CDH12: variants seen among roughly 807,000 people sequenced by gnomAD.
The protein encoded by CDH12 is cadherin-12.
CDH12 carries 41 observed loss-of-function variants against 74.1 expected under a neutral mutation model. The ratio of observed to expected loss-of-function variants is 0.55; its 90% CI spans 0.43 to 0.72. CDH12 has a LOEUF of 0.72. Among genes scored for constraint, CDH12 ranks in the 30% least tolerant of loss-of-function variants. The probability of loss-of-function intolerance (pLI) is 0.00; values close to 1 mark genes in which losing one functional copy is unlikely to be tolerated. For missense variants in CDH12, 945 were observed against 977.2 expected (o/e 0.97, Z 0.44); for synonymous variants, 399 against 355.0 (o/e 1.12, Z -1.39).
At chr5:22,421,896 G>T (rs971638399) in intron 2 of CDH12, among the ~76,000 whole-genome samples, 1 of 152,108 alleles carries the variant, frequency 6.6e-6, no homozygotes, top group African/African-American at 2.4e-5. Context: ...GGTGTGAGAA[G>T]GTATCTCATT....
chr5:22,160,158 T>C (rs1357561436), intron 4 of CDH12, among the ~76,000 whole-genome samples: 1 of 152,194 alleles, frequency 6.6e-6, no homozygotes, highest in Non-Finnish European at 1.5e-5. Flanking sequence ...GTATCCACCA[T>C]CTGACCCATA....
intron 3 of CDH12, among the ~76,000 whole-genome samples, chr5:22,323,380 T>C (rs1738963456): frequency 6.6e-6 from 1 of 152,166 alleles, no homozygotes; most frequent in South Asian, 2.1e-4. Flanking sequence ...TAATGTGAAA[T>C]GTGTCAACAC....
intron 1 of CDH12, among the ~76,000 whole-genome samples, chr5:22,618,924 A>G (rs768448491): frequency 2.5e-4 from 38 of 151,994 alleles, no homozygotes; most frequent in Non-Finnish European, 4.3e-4. Context: ...GCCTGCTGCC[A>G]TGTCAGACGT....
chr5:22,029,037 G>T (rs1388544036), intron 5 of CDH12, among the ~76,000 whole-genome samples: 1 of 152,176 alleles, frequency 6.6e-6, no homozygotes, highest in African/African-American at 2.4e-5. Flanking sequence ...AACAAATGGT[G>T]CTGGGAAAAC....
intron 4 of CDH12, among the ~76,000 whole-genome samples, chr5:22,183,421 A>C (rs1749754800): frequency 6.6e-6 from 1 of 152,190 alleles, no homozygotes; most frequent in African/African-American, 2.4e-5. Flanking sequence ...CTACTTTTAA[A>C]ATATTTTTTT....
intron 1 of CDH12, among the ~76,000 whole-genome samples, chr5:22,578,851 C>T (rs1357517327): frequency 6.6e-6 from 1 of 152,092 alleles, no homozygotes; most frequent in Non-Finnish European, 1.5e-5. Flanking sequence ...ATTGTTTCTT[C>T]TCTTCTGTTG....
At chr5:22,300,781 C>T (rs1737846355) in intron 3 of CDH12, among the ~76,000 whole-genome samples, 1 of 152,142 alleles carries the variant, frequency 6.6e-6, no homozygotes, top group Non-Finnish European at 1.5e-5. Flanking sequence ...CATTCATTTC[C>T]TAAATAGGTT....
intron 1 of CDH12, among the ~76,000 whole-genome samples, chr5:22,716,195 C>G (rs1430116964): frequency 1.3e-5 from 2 of 152,144 alleles, no homozygotes; most frequent in Non-Finnish European, 2.9e-5. Flanking sequence ...ACTGAAACAA[C>G]AGAAGACTAG....
intron 1 of CDH12, among the ~76,000 whole-genome samples, chr5:22,672,132 T>C (rs1440101341): frequency 1.5e-5 from 2 of 133,404 alleles, no homozygotes; most frequent in Non-Finnish European, 3.2e-5. Context: ...TTATTTTATA[T>C]ATAAATATAT....
intron 1 of CDH12, among the ~76,000 whole-genome samples, chr5:22,844,176 G>A (rs961315162): frequency 2.6e-5 from 4 of 151,956 alleles, no homozygotes; most frequent in Admixed American, 6.6e-5. Flanking sequence ...TTTCATACTC[G>A]GTAAAAAATA....
chr5:22,529,240 A>T (rs1307020176), intron 1 of CDH12, among the ~76,000 whole-genome samples: 2 of 149,240 alleles, frequency 1.3e-5, no homozygotes, highest in African/African-American at 4.9e-5. Flanking sequence ...AGAGAGAGAG[A>T]TTTATTATAA....
chr5:22,315,082 G>C (rs1361620769), intron 3 of CDH12, among the ~76,000 whole-genome samples: 1 of 120,284 alleles, frequency 8.3e-6, no homozygotes, highest in Non-Finnish European at 1.7e-5. Flanking sequence ...TGCCTCAGTA[G>C]CCAGGACTAC....
intron 5 of CDH12, among the ~76,000 whole-genome samples, chr5:21,981,011 G>A (rs1757280674): frequency 6.6e-6 from 1 of 152,010 alleles, no homozygotes; most frequent in Non-Finnish European, 1.5e-5. Flanking sequence ...CTAGCCAGCT[G>A]GGGACATTTT....
At chr5:22,788,286 C>G (rs1351130190) in intron 1 of CDH12, among the ~76,000 whole-genome samples, 5 of 151,886 alleles carry the variant, frequency 3.3e-5, no homozygotes, top group Admixed American at 2.6e-4. Flanking sequence ...TTTTAATGTG[C>G]TATAAATTTA....
chr5:21,763,265 T>C (rs2149874168), intron 12 of CDH12, among the ~76,000 whole-genome samples: 1 of 152,310 alleles, frequency 6.6e-6, no homozygotes, highest in South Asian at 2.1e-4. Flanking sequence ...ATGTCTGCAG[T>C]CACCAAAATT....
chr5:22,421,564 T>C (rs1167568369), intron 2 of CDH12, among the ~76,000 whole-genome samples: 3 of 152,094 alleles, frequency 2.0e-5, no homozygotes, highest in Non-Finnish European at 1.5e-5. Flanking sequence ...ATATGTGCCA[T>C]CTTTTATTTA....
intron 5 of CDH12, among the ~76,000 whole-genome samples, chr5:22,014,682 C>T (rs1737497815): frequency 6.6e-6 from 1 of 151,976 alleles, no homozygotes; most frequent in Non-Finnish European, 1.5e-5. Flanking sequence ...ACAAATAATA[C>T]AAAATATGAT....
intron 2 of CDH12, among the ~76,000 whole-genome samples, chr5:22,446,359 A>G (rs1037947051): frequency 1.3e-5 from 2 of 152,114 alleles, no homozygotes; most frequent in Admixed American, 1.3e-4. Context: ...CCAAGCCAGT[A>G]TTTAACCAAT....
At chr5:22,634,291 T>A (rs983405798) in intron 1 of CDH12, among the ~76,000 whole-genome samples, 1 of 152,052 alleles carries the variant, frequency 6.6e-6, no homozygotes, top group African/African-American at 2.4e-5. Flanking sequence ...GAGGCAGAAA[T>A]TAACAGATTT....
Sources: allele counts gnomAD v4.1 joint callset (sites outside exome capture counted in the v4.1 genomes callset), GRCh38; gene constraint gnomAD v4.1.1; transcripts MANE v1.5; gene names NCBI Gene and HGNC (gene_info 2026-07-23, HGNC 2026-07-21).